Variants in MYCT1 observed in about 807,000 individuals in gnomAD.
MYCT1 encodes the protein MYC target 1.
MYCT1 carries 12 observed loss-of-function variants against 15.0 expected under a neutral mutation model. The observed-to-expected ratio is 0.80, with a 90% confidence interval of 0.51 to 1.29. The LOEUF is 1.29. MYCT1 is among the 50% of genes most tolerant of loss of function. MYCT1 has a pLI of 0.00. For missense variants in MYCT1, 287 were observed against 279.1 expected (o/e 1.03, Z -0.20); for synonymous variants, 104 against 102.7 (o/e 1.01, Z -0.07).
chr6:152,705,825 A>AT, intron 1 of MYCT1: 1 of 690,788 alleles, frequency 1.4e-6, no homozygotes, highest in Admixed American at 2.6e-5. Context: ...AACACTCAAA[A>AT]TTCCAGCAAT....
the MYCT1 span, among the ~76,000 whole-genome samples, chr6:152,740,837 T>G: frequency 6.6e-6 from 1 of 152,286 alleles, no homozygotes; most frequent in African/African-American, 2.4e-5. Context: ...TCTTTAGCCA[T>G]AAGCACATTC....
At chr6:152,704,535 G>GT in intron 1 of MYCT1, among the ~76,000 whole-genome samples, 1 of 152,248 alleles carries the variant, frequency 6.6e-6, no homozygotes, top group South Asian at 2.1e-4. Context: ...AGTATACAAT[G>GT]TGTAATGATC....
At chr6:152,724,827 G>T (rs983244152), downstream of MYCT1, among the ~76,000 whole-genome samples, 2 of 151,698 alleles carry the variant, frequency 1.3e-5, no homozygotes, top group African/African-American at 4.8e-5. Context: ...ATGGAGAAAG[G>T]GAACATCACA....
intron 1 of MYCT1, among the ~76,000 whole-genome samples, chr6:152,708,252 A>G (rs1281152682): frequency 6.6e-6 from 1 of 152,052 alleles, no homozygotes. Flanking sequence ...TGCTATTGTA[A>G]TGGTGTAATT....
At chr6:152,738,905 A>C in the MYCT1 span, among the ~76,000 whole-genome samples, 1 of 152,090 alleles carries the variant, frequency 6.6e-6, no homozygotes, top group Non-Finnish European at 1.5e-5. Context: ...AGAATTTTAA[A>C]TATAAGGCAC....
At chr6:152,729,469 A>T (rs569335037), downstream of MYCT1, among the ~76,000 whole-genome samples, 5 of 152,344 alleles carry the variant, frequency 3.3e-5, no homozygotes, top group East Asian at 9.6e-4. Context: ...GAAAAATTTC[A>T]AAAGTTAAAT....
the MYCT1 span, among the ~76,000 whole-genome samples, chr6:152,741,790 G>A: frequency 6.6e-6 from 1 of 151,966 alleles, no homozygotes; most frequent in South Asian, 2.1e-4. Context: ...ATGACTTAAA[G>A]GACTAAGAAA....
the MYCT1 span, among the ~76,000 whole-genome samples, chr6:152,734,614 G>A: frequency 6.6e-6 from 1 of 152,076 alleles, no homozygotes; most frequent in Admixed American, 6.5e-5. Flanking sequence ...TATAACTCAT[G>A]GAAATTCTCA....
intron 1 of MYCT1, among the ~76,000 whole-genome samples, chr6:152,720,043 A>T: frequency 6.6e-6 from 1 of 152,026 alleles, no homozygotes; most frequent in African/African-American, 2.4e-5. Context: ...AGATGAAATC[A>T]GCTTGGTGGA....
chr6:152,699,380 G>C (rs745476729), intron 1 of MYCT1, among the ~76,000 whole-genome samples: 1 of 152,038 alleles, frequency 6.6e-6, no homozygotes, highest in Non-Finnish European at 1.5e-5. Flanking sequence ...TGAAAAGGAA[G>C]GATATTGGTG....
At chr6:152,738,681 C>T in the MYCT1 span, among the ~76,000 whole-genome samples, 1 of 152,074 alleles carries the variant, frequency 6.6e-6, no homozygotes. Context: ...AAGTTTACAG[C>T]GTTTCCCAGC....
At chr6:152,744,296 T>C in the MYCT1 span, among the ~76,000 whole-genome samples, 1 of 152,194 alleles carries the variant, frequency 6.6e-6, no homozygotes, top group East Asian at 1.9e-4. Flanking sequence ...AGTTCCCACA[T>C]TGATTATTTT....
chr6:152,701,942 A>T (rs1316089392), intron 1 of MYCT1, among the ~76,000 whole-genome samples: 2 of 152,118 alleles, frequency 1.3e-5, no homozygotes, highest in Non-Finnish European at 2.9e-5. Flanking sequence ...CTTGGCCTGG[A>T]TGCAGTAACA....
chr6:152,725,647 G>A (rs1029045996), downstream of MYCT1, among the ~76,000 whole-genome samples: 1 of 152,118 alleles, frequency 6.6e-6, no homozygotes, highest in Non-Finnish European at 1.5e-5. Context: ...GTACTAAGAA[G>A]GGAGTGCTCC....
downstream of MYCT1, among the ~76,000 whole-genome samples, chr6:152,729,226 G>C (rs2099726156): frequency 6.6e-6 from 1 of 152,072 alleles, no homozygotes; most frequent in African/African-American, 2.4e-5. Context: ...ACTGATGCTA[G>C]GCGCGAATGT....
In MYCT1 at chr6:152,706,149, C is replaced by A. The variant is rs145914700; in HGVS notation, c.196+8051C>A. 7.6e-4 allele frequency: 1,038 copies of A among 1,364,584 alleles called. 10 individuals are homozygous for A. In the African/African-American group the frequency reaches 0.013, roughly 17 times the overall value. 84.5% of individuals were successfully genotyped at this position (1,364,584 alleles called of 1,614,324 possible). A position where few individuals can be genotyped will look rare whatever the true frequency, so the allele number is the denominator to read the frequency against. On this transcript the variant is annotated intron_variant, in intron 1 of 1. Transcript: ENST00000367245. ...TCTAACTCCTAGAATAGTGCTTTAC[C>A]TTTATTAATGAACTGTGACAGGAAG...
intron 1 of MYCT1, among the ~76,000 whole-genome samples, chr6:152,702,149 T>A (rs941268758): frequency 1.1e-4 from 17 of 152,136 alleles, no homozygotes; most frequent in Non-Finnish European, 1.8e-4. Flanking sequence ...CAGGTCGTAT[T>A]CTATATAGCT....
downstream of MYCT1, among the ~76,000 whole-genome samples, chr6:152,729,315 G>T (rs1485175271): frequency 6.6e-6 from 1 of 151,690 alleles, no homozygotes; most frequent in Non-Finnish European, 1.5e-5. Flanking sequence ...AATTTCCACA[G>T]GTTTTTTTTT....
At chr6:152,705,875 T>G (rs2099722172) in intron 1 of MYCT1, 2 of 734,288 alleles carry the variant, frequency 2.7e-6, no homozygotes, top group Non-Finnish European at 5.0e-6. Flanking sequence ...GATCTTTGAT[T>G]GTTGAGAAAA....
Sources: gnomAD v4.1 joint callset for allele counts (sites outside exome capture counted in the v4.1 genomes callset) on GRCh38, gnomAD v4.1.1 for gene constraint, MANE v1.5 for transcripts, NCBI Gene and HGNC (gene_info 2026-07-23, HGNC 2026-07-21) for gene names.